TAMM41: variants seen among roughly 807,000 people sequenced by gnomAD.
TAMM41 encodes phosphatidate cytidylyltransferase, mitochondrial.
TAMM41 carries 36 observed loss-of-function variants against 44.1 expected under a neutral mutation model. That is an observed-to-expected ratio of 0.82 (90% CI 0.63 to 1.08). The LOEUF (loss-of-function observed/expected upper bound fraction) is 1.08. Among genes scored for constraint, TAMM41 ranks in the 50% least tolerant of loss-of-function variants. The pLI is 0.00. For missense variants in TAMM41, 417 were observed against 404.3 expected (o/e 1.03, Z -0.27); for synonymous variants, 164 against 153.1 (o/e 1.07, Z -0.53).
Position 11,844,121 on chromosome 3 carries a change from G to A in TAMM41, c.226C>T (p.Leu76=). Residue 76 remains leucine, a synonymous_variant, in exon 2 of 8, where the codon CTA becomes TTA. Coordinates refer to ENST00000455809, the MANE Select transcript of TAMM41 (RefSeq NM_001284401.2). ...ATAATCTTGGGCCCTAAAACTTTTA[G>A]GAAAGAGTAGTGACTCCAATTTTTC... ...LKKNWSHYSF[L]KVLGPKIITS... is the part of the protein sequence containing the mutation. 6.2e-7 allele frequency: 1 copy of A among 1,614,196 alleles called. No individual in the cohort carries two copies. Among genetic ancestry groups the A allele is most frequent in the East Asian group, 2.2e-5 (1 of 44,888 alleles).
At chr3:11,838,336 TC>T (rs1489627893) in intron 3 of TAMM41, among the ~76,000 whole-genome samples, 2 of 152,052 alleles carry the variant, frequency 1.3e-5, no homozygotes, top group African/African-American at 4.8e-5. Flanking sequence ...TGCCTCAGCC[TC>T]CCCCAGTAGC....
intron 4 of TAMM41, among the ~76,000 whole-genome samples, chr3:11,821,803 C>T (rs1261342595): frequency 2.0e-5 from 3 of 152,080 alleles, no homozygotes; most frequent in Non-Finnish European, 4.4e-5. Flanking sequence ...TACAAAGTAC[C>T]AGGAGCTGTG....
At chr3:11,757,946 C>T in the TAMM41 span, among the ~76,000 whole-genome samples, 1 of 152,136 alleles carries the variant, frequency 6.6e-6, no homozygotes, top group Non-Finnish European at 1.5e-5. Context: ...ACTGAAGAAA[C>T]CAAGTTGTAC....
At chr3:11,844,260 G>C (rs755802838) in intron 1 of TAMM41, 49 bp from the exon 2 acceptor site, 1 of 1,569,524 alleles carries the variant, frequency 6.4e-7, no homozygotes, top group Non-Finnish European at 8.7e-7. Context: ...TCCTAGAAAG[G>C]CAGCAAGAGA....
chr3:11,822,466 C>T (rs1448739237), intron 4 of TAMM41, among the ~76,000 whole-genome samples: 1 of 152,184 alleles, frequency 6.6e-6, no homozygotes, highest in Non-Finnish European at 1.5e-5. Context: ...CCCCAACTCC[C>T]TTCATTCCCC....
intron 7 of TAMM41, among the ~76,000 whole-genome samples, chr3:11,793,616 A>G (rs191023180): frequency 2.6e-5 from 4 of 152,356 alleles, no homozygotes; most frequent in Non-Finnish European, 4.4e-5. Context: ...GAATGGATAC[A>G]TTGCGGTATA....
rs1443945293 is a variant in TAMM41, at chr3:11,844,018, C to A, written c.318+11G>T. ...CCAGCCAAGTTAAGACAAAGGCCAG[C>A]AGTCACTTACCCTACCATTACACAT... On this transcript the variant is annotated intron_variant, in intron 2 of 7. Coordinates refer to ENST00000455809, the MANE Select transcript of TAMM41 (RefSeq NM_001284401.2). The A allele has an allele frequency of 1.2e-6, 2 of 1,610,650 alleles. No individual in the cohort carries two copies. Among genetic ancestry groups the A allele is most frequent in the African/African-American group, 2.7e-5 (2 of 74,826 alleles).
chr3:11,723,194 G>A, the TAMM41 span, among the ~76,000 whole-genome samples: 2 of 151,856 alleles, frequency 1.3e-5, no homozygotes, highest in South Asian at 4.2e-4. Context: ...GGGTGGGGGT[G>A]GGGGCAGGCA....
chr3:11,755,660 G>C, the TAMM41 span, among the ~76,000 whole-genome samples: 1 of 152,124 alleles, frequency 6.6e-6, no homozygotes, highest in African/African-American at 2.4e-5. Flanking sequence ...ACATGCACCG[G>C]ATGGCCAGCA....
At chr3:11,768,291 C>A in the TAMM41 span, among the ~76,000 whole-genome samples, 1 of 151,964 alleles carries the variant, frequency 6.6e-6, no homozygotes, top group African/African-American at 2.4e-5. Context: ...CATGTGCCAG[C>A]ATACTAGGCT....
At chr3:11,790,607 A>T (rs1354808513) in intron 7 of TAMM41, 26 bp from the exon 8 acceptor site, 1 of 1,585,996 alleles carries the variant, frequency 6.3e-7, no homozygotes, top group East Asian at 2.2e-5. Flanking sequence ...TGAGAAAGTA[A>T]GAAGATGGAG....
At chr3:11,773,286 C>T in the TAMM41 span, among the ~76,000 whole-genome samples, 7 of 150,332 alleles carry the variant, frequency 4.7e-5, no homozygotes, top group African/African-American at 1.7e-4. Context: ...TCCAAAGCCC[C>T]CAAGTATTGC....
chr3:11,732,005 T>G, the TAMM41 span, among the ~76,000 whole-genome samples: 8 of 152,098 alleles, frequency 5.3e-5, no homozygotes, highest in Non-Finnish European at 1.5e-5. Context: ...TAGCTGGTAT[T>G]ACAAGCATGC....
At chr3:11,727,432 C>G in the TAMM41 span, among the ~76,000 whole-genome samples, 4 of 152,132 alleles carry the variant, frequency 2.6e-5, no homozygotes, top group Non-Finnish European at 5.9e-5. Flanking sequence ...ATTCACAGTG[C>G]ACTGAGAAGC....
intron 7 of TAMM41, among the ~76,000 whole-genome samples, chr3:11,800,547 T>TAAAAAAAAAAAAAAAA (rs60989120): frequency 6.9e-6 from 1 of 145,414 alleles, no homozygotes. Flanking sequence ...CAAAAACAGT[T>TAAAAAAAAAAAAAAAA]AAAAAAAAAA....
intron 4 of TAMM41, among the ~76,000 whole-genome samples, chr3:11,828,129 G>C (rs2078833937): frequency 6.6e-6 from 1 of 152,158 alleles, no homozygotes; most frequent in Non-Finnish European, 1.5e-5. Flanking sequence ...TACAACACTG[G>C]GTTCTCAGAA....
rs746491601 is a variant in TAMM41 at position 11,846,632 on chromosome 3, G to A, written c.5C>T (p.Ala2Val). Residue 2 changes from alanine (A) to valine (V), a missense_variant, in exon 1 of 8, where the codon GCG (alanine) becomes GTG (valine). Transcript: ENST00000455809. ...CCACGAGCTCTGCAGCGTCTGCAGC[G>A]CCATGGGGTCGAGGCTAACAGGGGA... is the stretch of plus-strand genomic sequence containing the variant. M[A>V]LQTLQSSWVT... 3 of 1,614,210 alleles carry A rather than the reference G, an allele frequency of 1.9e-6. No individual in the cohort carries two copies. Among genetic ancestry groups the A allele is most frequent in the Non-Finnish European group, 2.5e-6 (3 of 1,180,036 alleles).
rs1022777811 is a variant in TAMM41, at chr3:11,807,639, G to C, written c.937+194C>G. The stretch of plus-strand genomic sequence containing the variant: ...AAAGCTTCCAACAGCACTGCCAATG[G>C]TCTGACATTGTTCGACCACCAGGTT... On this transcript the variant is annotated intron_variant, in intron 7 of 7. Transcript: ENST00000455809. The C allele has an allele frequency of 3.3e-6, 5 of 1,536,122 alleles. No individual in the cohort carries two copies. In the African/African-American group the frequency reaches 5.5e-5, roughly 17 times the overall value.
At chr3:11,751,675 G>A in the TAMM41 span, among the ~76,000 whole-genome samples, 1 of 152,122 alleles carries the variant, frequency 6.6e-6, no homozygotes, top group South Asian at 2.1e-4. Context: ...TGAACTGACC[G>A]GCTTACCCCC....
Sources: gnomAD v4.1 joint callset for allele counts (sites outside exome capture counted in the v4.1 genomes callset) on GRCh38, gnomAD v4.1.1 for gene constraint, MANE v1.5 for transcripts, NCBI Gene and HGNC (gene_info 2026-07-23, HGNC 2026-07-21) for gene names.